POU6F2: variants seen among roughly 807,000 people sequenced by gnomAD.
POU6F2 encodes POU domain, class 6, transcription factor 2.
A neutral mutation model predicts 71.3 loss-of-function variants in POU6F2; 31 were observed. The ratio of observed to expected loss-of-function variants is 0.43; its 90% CI spans 0.33 to 0.59. POU6F2 has a LOEUF of 0.59. Ranked by LOEUF, POU6F2 falls within the 20% of genes least tolerant of loss-of-function variation. The pLI, the probability that POU6F2 is intolerant of heterozygous loss-of-function variation, is 0.04. For missense variants in POU6F2, 783 were observed against 856.8 expected, an observed-to-expected ratio of 0.91 and a Z score of 1.07; for synonymous variants, 347 against 355.7, an observed-to-expected ratio of 0.98 and a Z score of 0.27.
rs138424322 is a variant in POU6F2 at position 39,386,641 on chromosome 7, A to G, written c.973-19959A>G. 1.6e-4 allele frequency among the ~76,000 whole-genome samples: 25 copies of G among 152,348 alleles called. No homozygotes were observed. The East Asian group carries it at 2.7e-3, about 16-fold the overall frequency. ...TGATGGGAAAGGTCACCTTATCTCTATAATATTAGGCCATGTTGAGCTAGA... is the reference window on the plus strand; with the variant it reads ...TGATGGGAAAGGTCACCTTATCTCTGTAATATTAGGCCATGTTGAGCTAGA... On this transcript the variant is annotated intron_variant, in intron 5 of 9. Coordinates refer to ENST00000518318, the MANE Select transcript of POU6F2 (RefSeq NM_001370959.1).
At chr7:39,222,375 G>A (rs1345903782) in intron 4 of POU6F2, among the ~76,000 whole-genome samples, 1 of 152,172 alleles carries the variant, frequency 6.6e-6, no homozygotes, top group Non-Finnish European at 1.5e-5. Context: ...GAAGAGAAGA[G>A]ACTTTCCATG....
chr7:39,068,275 C>T (rs944772080), intron 1 of POU6F2, among the ~76,000 whole-genome samples: 4 of 152,084 alleles, frequency 2.6e-5, no homozygotes, highest in African/African-American at 9.7e-5. Flanking sequence ...TCTCACTGTA[C>T]ATCAGTGCCC....
At chr7:39,254,188 A>C (rs1265995133) in intron 4 of POU6F2, among the ~76,000 whole-genome samples, 1 of 152,194 alleles carries the variant, frequency 6.6e-6, no homozygotes, top group Non-Finnish European at 1.5e-5. Flanking sequence ...AAGGCTCACA[A>C]ATATTTGCAG....
chr7:39,370,600 C>A (rs1273960971), intron 5 of POU6F2, among the ~76,000 whole-genome samples: 4 of 152,144 alleles, frequency 2.6e-5, no homozygotes, highest in African/African-American at 9.7e-5. Flanking sequence ...CCAACTATGC[C>A]CCCTCCCCAC....
chr7:39,129,377 C>A (rs758274927), intron 2 of POU6F2, among the ~76,000 whole-genome samples: 43 of 152,104 alleles, frequency 2.8e-4, no homozygotes, highest in Non-Finnish European at 5.4e-4. Context: ...GGAAATTTGA[C>A]CTAAACTGAT....
At chr7:39,191,639 A>G (rs1793666801) in intron 2 of POU6F2, among the ~76,000 whole-genome samples, 1 of 152,242 alleles carries the variant, frequency 6.6e-6, no homozygotes. Context: ...AATAATCTGA[A>G]CAAGTTCTGT....
intron 5 of POU6F2, among the ~76,000 whole-genome samples, chr7:39,395,700 C>A (rs1304347277): frequency 1.3e-5 from 2 of 152,132 alleles, no homozygotes; most frequent in Non-Finnish European, 2.9e-5. Flanking sequence ...TCTTGGAGCC[C>A]CTCATCCTTC....
chr7:39,187,640 C>T (rs1362941414), intron 2 of POU6F2, among the ~76,000 whole-genome samples: 1 of 152,132 alleles, frequency 6.6e-6, no homozygotes, highest in Non-Finnish European at 1.5e-5. Flanking sequence ...GGCAGAGAAA[C>T]CAGGCAAAGG....
intron 2 of POU6F2, among the ~76,000 whole-genome samples, chr7:39,139,063 C>T (rs1792443252): frequency 6.6e-6 from 1 of 152,116 alleles, no homozygotes; most frequent in African/African-American, 2.4e-5. Flanking sequence ...TTGTCACCCT[C>T]TTGAGCTTTT....
chr7:39,189,978 C>G (rs1251880832), intron 2 of POU6F2, among the ~76,000 whole-genome samples: 1 of 151,884 alleles, frequency 6.6e-6, no homozygotes, highest in Non-Finnish European at 1.5e-5. Context: ...ACCAAAGCCC[C>G]GACTGCCCAA....
chr7:39,425,513 G>C (rs1363573400), intron 6 of POU6F2, among the ~76,000 whole-genome samples: 1 of 152,064 alleles, frequency 6.6e-6, no homozygotes, highest in African/African-American at 2.4e-5. Context: ...TAAGTTTAAG[G>C]TTTCAAAATC....
intron 2 of POU6F2, among the ~76,000 whole-genome samples, chr7:39,163,976 T>C (rs1562729559): frequency 1.3e-5 from 2 of 152,110 alleles, no homozygotes; most frequent in African/African-American, 2.4e-5. Context: ...GTTCAAAGGA[T>C]ACAAAATTCC....
intron 4 of POU6F2, among the ~76,000 whole-genome samples, chr7:39,290,494 C>G (rs1784731668): frequency 6.6e-6 from 1 of 152,190 alleles, no homozygotes; most frequent in Admixed American, 6.5e-5. Flanking sequence ...TCAAGCTGAA[C>G]CTGGTGAATG....
chr7:39,281,299 T>C (rs974886224), intron 4 of POU6F2, among the ~76,000 whole-genome samples: 2 of 152,144 alleles, frequency 1.3e-5, no homozygotes, highest in African/African-American at 4.8e-5. Context: ...TTCTTTGTGG[T>C]AAAAACATTC....
intron 1 of POU6F2, among the ~76,000 whole-genome samples, chr7:38,996,013 A>C (rs896372315): frequency 6.8e-6 from 1 of 147,536 alleles, no homozygotes; most frequent in Non-Finnish European, 1.5e-5. Flanking sequence ...TGCTTCTTGA[A>C]GCTCCTTAGT....
intron 6 of POU6F2, among the ~76,000 whole-genome samples, chr7:39,432,213 C>T (rs1260943439): frequency 1.3e-5 from 2 of 152,082 alleles, no homozygotes; most frequent in Non-Finnish European, 2.9e-5. Flanking sequence ...GGTCAGTCCC[C>T]ATGGTCCCTC....
chr7:39,210,254 G>A (rs1794112210), intron 4 of POU6F2, among the ~76,000 whole-genome samples: 1 of 152,168 alleles, frequency 6.6e-6, no homozygotes, highest in Non-Finnish European at 1.5e-5. Flanking sequence ...CATGTAACAT[G>A]CTTGGTCATG....
chr7:39,360,770 A>T (rs1786370213), intron 5 of POU6F2, among the ~76,000 whole-genome samples: 1 of 152,200 alleles, frequency 6.6e-6, no homozygotes, highest in South Asian at 2.1e-4. Flanking sequence ...GGGGTGGATT[A>T]TTTATGCCTC....
chr7:39,394,780 C>G (rs1056582609), intron 5 of POU6F2, among the ~76,000 whole-genome samples: 1 of 152,174 alleles, frequency 6.6e-6, no homozygotes. Context: ...TGACACCCCT[C>G]CTCTTTCCCC....
Sources: allele counts gnomAD v4.1 joint callset (sites outside exome capture counted in the v4.1 genomes callset), GRCh38; gene constraint gnomAD v4.1.1; transcripts MANE v1.5; gene names NCBI Gene and HGNC (gene_info 2026-07-23, HGNC 2026-07-21).